PLA2G10: variants seen among roughly 807,000 people sequenced by gnomAD.
PLA2G10 encodes group 10 secretory phospholipase A2.
A neutral mutation model predicts 7.9 loss-of-function variants in PLA2G10; 9 were observed. The observed-to-expected ratio is 1.14, with a 90% CI of 0.68 to 1.98. PLA2G10 has a LOEUF of 1.98. PLA2G10 is among the 30% of genes most tolerant of loss of function. The probability of loss-of-function intolerance (pLI) is 0.00; values close to 1 mark genes in which losing one functional copy is unlikely to be tolerated. For missense variants in PLA2G10, 53 were observed against 65.4 expected, an observed-to-expected ratio of 0.81 and a Z score of 0.66; for synonymous variants, 19 against 27.5, an observed-to-expected ratio of 0.69 and a Z score of 0.97.
chr16:14,687,236 G>C (rs1277543513), intron 3 of PLA2G10, among the ~76,000 whole-genome samples: 1 of 151,616 alleles, frequency 6.6e-6, no homozygotes, highest in African/African-American at 2.4e-5. Flanking sequence ...TTATTGCTTT[G>C]TTTCAAAATC....
At chr16:14,673,817 A>G (rs1311981773) in intron 3 of PLA2G10, among the ~76,000 whole-genome samples, 1 of 152,186 alleles carries the variant, frequency 6.6e-6, no homozygotes, top group East Asian at 1.9e-4. Context: ...TCATTCCCCC[A>G]AGAGCTGGAA....
At chr16:14,676,907 A>C (rs933434625) in intron 3 of PLA2G10, among the ~76,000 whole-genome samples, 6 of 152,138 alleles carry the variant, frequency 3.9e-5, no homozygotes, top group African/African-American at 1.2e-4. Context: ...CTTATAAGTG[A>C]GAGCTAAGCT....
intron 3 of PLA2G10, among the ~76,000 whole-genome samples, chr16:14,675,192 CA>C (rs1345599169): frequency 1.3e-5 from 2 of 150,424 alleles, no homozygotes; most frequent in Non-Finnish European, 3.0e-5. Context: ...AAAAAACACT[CA>C]AAAACATAAA....
rs779279208 is a variant in PLA2G10, at chr16:14,672,773, A to ATTAG, written c.356-28_356-25dup. The ATTAG allele has an allele frequency of 3.7e-5, 60 of 1,613,004 alleles. 1 individual carries two copies. The highest frequency in any genetic ancestry group is 4.7e-5 in the Non-Finnish European group (55 of 1,179,416). On this transcript the variant is annotated intron_variant, in intron 3 of 3. Transcript: ENST00000438167. ...TCCTGGAAGAAGTGGGGAAACTGAGATTAGAGCAGGGACCTGGAGAGACTC... is the reference window on the plus strand; with the variant it reads ...TCCTGGAAGAAGTGGGGAAACTGAGATTAGTTAGAGCAGGGACCTGGAGAGACTC...
intron 3 of PLA2G10, among the ~76,000 whole-genome samples, chr16:14,677,216 G>T (rs1314996506): frequency 6.6e-6 from 1 of 152,184 alleles, no homozygotes; most frequent in Non-Finnish European, 1.5e-5. Flanking sequence ...ATGAATGGTT[G>T]AATGAATGGT....
chr16:14,685,989 C>CTTTTTTTTT (rs147554543), intron 3 of PLA2G10, among the ~76,000 whole-genome samples: 1 of 106,742 alleles, frequency 9.4e-6, no homozygotes, highest in Non-Finnish European at 1.9e-5. Flanking sequence ...TTTCTTTACT[C>CTTTTTTTTT]TTTTTTTTTT....
At chr16:14,674,303 A>G (rs1320089645) in intron 3 of PLA2G10, among the ~76,000 whole-genome samples, 2 of 152,234 alleles carry the variant, frequency 1.3e-5, no homozygotes, top group Admixed American at 6.5e-5. Flanking sequence ...GAAAATGACC[A>G]TACTACCCAA....
intron 3 of PLA2G10, among the ~76,000 whole-genome samples, chr16:14,677,492 G>T (rs533449625): frequency 6.6e-6 from 1 of 151,976 alleles, no homozygotes; most frequent in South Asian, 2.1e-4. Context: ...TCAGCCTCCC[G>T]AGTAGCTGGG....
chr16:14,676,170 C>T, intron 3 of PLA2G10, among the ~76,000 whole-genome samples: 1 of 152,170 alleles, frequency 6.6e-6, no homozygotes, highest in Non-Finnish European at 1.5e-5. Context: ...GTGCTAAGAT[C>T]AGTTAGCACA....
chr16:14,672,914 G>A (rs1019913508), intron 3 of PLA2G10, among the ~76,000 whole-genome samples, 165 bp from the exon 4 acceptor site: 5 of 151,904 alleles, frequency 3.3e-5, no homozygotes, highest in Non-Finnish European at 7.4e-5. Context: ...GGTGATGTCA[G>A]CCCCATTTTA....
intron 3 of PLA2G10, among the ~76,000 whole-genome samples, chr16:14,679,807 T>C (rs1359591652): frequency 6.6e-6 from 1 of 152,020 alleles, no homozygotes; most frequent in Admixed American, 6.6e-5. Flanking sequence ...GTTGTGATCA[T>C]GCCACTGCAC....
At chr16:14,687,178 A>T (rs1961102958) in intron 3 of PLA2G10, among the ~76,000 whole-genome samples, 1 of 151,890 alleles carries the variant, frequency 6.6e-6, no homozygotes, top group African/African-American at 2.4e-5. Context: ...AAACAAACAA[A>T]CAATAAATAA....
At chr16:14,681,653 T>C (rs977461638) in intron 3 of PLA2G10, among the ~76,000 whole-genome samples, 24 of 151,862 alleles carry the variant, frequency 1.6e-4, no homozygotes, top group African/African-American at 5.3e-4. Context: ...AAATGGAAAA[T>C]GGGCCAAACC....
At chr16:14,679,800 G>A (rs1215398959) in intron 3 of PLA2G10, among the ~76,000 whole-genome samples, 1 of 152,042 alleles carries the variant, frequency 6.6e-6, no homozygotes, top group Non-Finnish European at 1.5e-5. Context: ...GCAGTGAGTT[G>A]TGATCATGCC....
chr16:14,680,047 T>C lies in PLA2G10; in HGVS notation c.356-7298A>G, dbSNP rs979157809. Among the ~76,000 whole-genome samples the C allele has an allele frequency of 2.6e-5, 4 of 152,058 alleles. No homozygotes were observed. In the East Asian group the frequency reaches 5.8e-4, roughly 22 times the overall value. ...GAAAGCCTATATACATGACCTCTTA[T>C]GTCTGGCTCTGTTCACTCGATGCTG... On this transcript the variant is annotated intron_variant, in intron 3 of 3. Coordinates refer to ENST00000438167, the MANE Select transcript of PLA2G10 (RefSeq NM_003561.3).
At chr16:14,679,947 C>T (rs181015604) in intron 3 of PLA2G10, among the ~76,000 whole-genome samples, 1 of 152,082 alleles carries the variant, frequency 6.6e-6, no homozygotes, top group South Asian at 2.1e-4. Flanking sequence ...GTGGATTTGC[C>T]TATTCTGGAC....
intron 3 of PLA2G10, 113 bp from the exon 4 acceptor site, chr16:14,672,862 G>T: frequency 2.1e-6 from 2 of 957,658 alleles, no homozygotes; most frequent in African/African-American, 1.6e-5. Flanking sequence ...ACACTTGACA[G>T]CCCACCACGT....
Position 14,680,836 on chromosome 16 carries a change from T to C in PLA2G10, c.355+7329A>G, listed in dbSNP as rs114235489. ...AAACCTAGCATGGAGCCCGGCAGAG[T>C]AGACTCACAGTAATATTTGTTGACA... On this transcript the variant is annotated intron_variant, in intron 3 of 3. Transcript: ENST00000438167. 3.6e-3 allele frequency among the ~76,000 whole-genome samples: 548 copies of C among 151,950 alleles called. 5 individuals are homozygous for C. Among genetic ancestry groups the C allele is most frequent in the African/African-American group, 0.013 (528 of 41,450 alleles).
intron 3 of PLA2G10, among the ~76,000 whole-genome samples, chr16:14,687,797 G>C (rs1961134757): frequency 6.6e-6 from 1 of 151,676 alleles, no homozygotes; most frequent in Non-Finnish European, 1.5e-5. Context: ...GGGAGTTTGA[G>C]ACCAGCCTGG....
Sources: gnomAD v4.1 joint callset for allele counts (sites outside exome capture counted in the v4.1 genomes callset) on GRCh38, gnomAD v4.1.1 for gene constraint, MANE v1.5 for transcripts, NCBI Gene and HGNC (gene_info 2026-07-23, HGNC 2026-07-21) for gene names.